Variants in ARFGEF3 observed in about 807,000 individuals in gnomAD.
The protein encoded by ARFGEF3 is brefeldin A-inhibited guanine nucleotide-exchange protein 3.
ARFGEF3 carries 96 observed loss-of-function variants against 221.7 expected under a neutral mutation model. The observed-to-expected ratio is 0.43, with a 90% CI of 0.37 to 0.51. The LOEUF is 0.51. Ranked by LOEUF, ARFGEF3 falls within the 20% of genes least tolerant of loss-of-function variation. The probability of loss-of-function intolerance (pLI) is 0.00; values close to 1 mark genes in which losing one functional copy is unlikely to be tolerated. For synonymous variants in ARFGEF3, 1,145 were observed against 1,126.8 expected (o/e 1.02, Z -0.32); for missense variants, 2,410 against 2,789.9 (o/e 0.86, Z 3.07).
chr6:138,317,144 C>T (rs990668488), intron 26 of ARFGEF3, 107 bp from the exon 27 acceptor site: 52 of 1,177,228 alleles, frequency 4.4e-5, no homozygotes, highest in Admixed American at 2.7e-4. Flanking sequence ...TGATGGCTCA[C>T]GTCTGTATAG....
chr6:138,202,681 CAA>C (rs11312359), intron 2 of ARFGEF3, among the ~76,000 whole-genome samples: 2,114 of 117,104 alleles, frequency 0.018, 31 homozygotes, highest in Middle Eastern at 0.075. Flanking sequence ...TATTTACTAG[CAA>C]AAAAAAAAAA....
At chr6:138,265,540 CTAAGA>C (rs369015263) in intron 12 of ARFGEF3, among the ~76,000 whole-genome samples, 17 of 152,058 alleles carry the variant, frequency 1.1e-4, no homozygotes, top group African/African-American at 4.1e-4. Flanking sequence ...ATTTTTCTCC[CTAAGA>C]TCTTTTATAT....
chr6:138,222,536 G>A (rs879623624), intron 4 of ARFGEF3, among the ~76,000 whole-genome samples: 3 of 152,162 alleles, frequency 2.0e-5, no homozygotes, highest in East Asian at 3.8e-4. Flanking sequence ...GGAGCTGGGG[G>A]AATGGGGGTA....
intron 10 of ARFGEF3, 51 bp downstream of exon 10, chr6:138,255,820 C>T (rs1778667483): frequency 1.4e-6 from 2 of 1,398,568 alleles, no homozygotes; most frequent in Non-Finnish European, 9.5e-7. Context: ...GCCTGACCAG[C>T]GTTTCGCATA....
At chr6:138,299,911 A>G (rs185397746) in intron 22 of ARFGEF3, among the ~76,000 whole-genome samples, 1 of 152,276 alleles carries the variant, frequency 6.6e-6, no homozygotes, top group East Asian at 1.9e-4. Flanking sequence ...TGTATATGAA[A>G]TTACACCACC....
At position 138,208,710 on chromosome 6, in the gene ARFGEF3, G is replaced by A. The variant is rs564056681; in HGVS notation, c.220-1200G>A. Among the ~76,000 whole-genome samples, 5 of 152,258 alleles carry A rather than the reference G, an allele frequency of 3.3e-5. No homozygotes were observed. In the South Asian group the frequency reaches 6.2e-4, roughly 19 times the overall value. ...GTGAAATTGTATGCCTCATTCACAG[G>A]CATAGAATGTGCTGTGACAACCAAC... is the stretch of plus-strand genomic sequence containing the variant. On this transcript the variant is annotated intron_variant, in intron 3 of 33. Coordinates refer to ENST00000251691, the MANE Select transcript of ARFGEF3 (RefSeq NM_020340.5).
intron 8 of ARFGEF3, among the ~76,000 whole-genome samples, chr6:138,248,502 CT>C (rs1373357661): frequency 5.3e-5 from 8 of 152,134 alleles, no homozygotes; most frequent in Non-Finnish European, 1.0e-4. Context: ...ATTAGCTAAA[CT>C]TTTTTTCTGA....
At chr6:138,215,193 T>C (rs866714384) in intron 4 of ARFGEF3, among the ~76,000 whole-genome samples, 3 of 152,208 alleles carry the variant, frequency 2.0e-5, no homozygotes, top group Non-Finnish European at 4.4e-5. Context: ...TTCTGATGGA[T>C]AACCTTTAGT....
intron 2 of ARFGEF3, among the ~76,000 whole-genome samples, chr6:138,186,963 A>G (rs4896328): frequency 7.9e-6 from 1 of 126,612 alleles, no homozygotes; most frequent in African/African-American, 2.9e-5. Context: ...TTGCCCAGGC[A>G]GGAGTGCAAT....
chr6:138,197,516 G>T (rs184565832), intron 2 of ARFGEF3, among the ~76,000 whole-genome samples: 36 of 152,224 alleles, frequency 2.4e-4, no homozygotes, highest in African/African-American at 8.2e-4. Context: ...TACAACTGGC[G>T]GCACAGTTGA....
In ARFGEF3 at chr6:138,262,915, G is replaced by A; in HGVS notation, c.1432G>A (p.Asp478Asn). The change falls in exon 12 of 34, where the codon GAC (aspartate) becomes AAC (asparagine). Residue 478 changes from aspartate (D) to asparagine (N), a missense_variant. Physicochemically the swap from Asp to Asn is conservative, Grantham distance 23 (BLOSUM62 1). Coordinates refer to ENST00000251691, the MANE Select transcript of ARFGEF3 (RefSeq NM_020340.5). Reference protein sequence around the residue: ...SRDSMEINEADFRWQRRVLSS... With the variant: ...SRDSMEINEANFRWQRRVLSS... ...AGATTCCATGGAGATCAATGAGGCTGACTTCCGCTGGCAGCGGCGAGTGCT... is the reference window on the plus strand; with the variant it reads ...AGATTCCATGGAGATCAATGAGGCTAACTTCCGCTGGCAGCGGCGAGTGCT... 6.2e-7 allele frequency: 1 copy of A among 1,610,908 alleles called. No homozygotes were observed.
intron 23 of ARFGEF3, 52 bp downstream of exon 23, chr6:138,307,449 GT>G: frequency 6.6e-7 from 1 of 1,525,384 alleles, no homozygotes; most frequent in Non-Finnish European, 9.0e-7. Flanking sequence ...TCTGTGCCAA[GT>G]TTCATGCTAT....
At chr6:138,212,760 G>A (rs774911108) in intron 4 of ARFGEF3, among the ~76,000 whole-genome samples, 24 of 152,080 alleles carry the variant, frequency 1.6e-4, no homozygotes, top group Non-Finnish European at 2.6e-4. Flanking sequence ...ATCATTCTCA[G>A]CAAACTATCA....
chr6:138,210,147 A>G, intron 4 of ARFGEF3, 106 bp downstream of exon 4: 1 of 1,128,492 alleles, frequency 8.9e-7, no homozygotes, highest in Non-Finnish European at 1.3e-6. Flanking sequence ...ATGCTAGCTC[A>G]TCTTCATTTG....
At position 138,336,372 on chromosome 6, in the gene ARFGEF3, C is replaced by A; in HGVS notation, c.6420C>A (p.Pro2140=). 2 of 1,613,032 alleles carry A rather than the reference C, an allele frequency of 1.2e-6. No homozygotes were observed. Among genetic ancestry groups the A allele is most frequent in the Non-Finnish European group, 8.5e-7 (1 of 1,179,546 alleles). Residue 2140 remains proline, a synonymous_variant, in exon 34 of 34, where the codon CCC becomes CCA. Coordinates refer to ENST00000251691, the MANE Select transcript of ARFGEF3 (RefSeq NM_020340.5). ...ACCAGACCTTCACGGCCCTCCAGCC[C>A]GCAGTGTTCCCGTGCATCAGTCAGC... ...LPDQTFTALQ[P]AVFPCISQLT...
chr6:138,165,029 G>A (rs1315692664), intron 1 of ARFGEF3, among the ~76,000 whole-genome samples: 1 of 151,902 alleles, frequency 6.6e-6, no homozygotes, highest in African/African-American at 2.4e-5. Flanking sequence ...ACCATCATGG[G>A]AGAGAGGGGT....
intron 4 of ARFGEF3, chr6:138,217,724 G>T (rs1486481704): frequency 1.3e-5 from 5 of 389,738 alleles, no homozygotes; most frequent in Non-Finnish European, 2.2e-5. Context: ...AACACATGTG[G>T]TAGTTTTTAA....
chr6:138,180,316 G>A (rs1777053545), intron 2 of ARFGEF3, among the ~76,000 whole-genome samples: 1 of 152,222 alleles, frequency 6.6e-6, no homozygotes, highest in African/African-American at 2.4e-5. Context: ...CATGGAGGAA[G>A]CAAAGGATGC....
At chr6:138,267,893 A>T (rs977213199) in intron 12 of ARFGEF3, among the ~76,000 whole-genome samples, 3 of 152,220 alleles carry the variant, frequency 2.0e-5, no homozygotes, top group Non-Finnish European at 4.4e-5. Flanking sequence ...GTTGTTTTCA[A>T]ATATCATTTT....
Sources: gnomAD v4.1 joint callset for allele counts (sites outside exome capture counted in the v4.1 genomes callset) on GRCh38, gnomAD v4.1.1 for gene constraint, MANE v1.5 for transcripts, NCBI Gene and HGNC (gene_info 2026-07-23, HGNC 2026-07-21) for gene names.